The following TCERG1 variants were observed in gnomAD, a reference collection of about 807,000 sequenced individuals.
The protein encoded by TCERG1 is TATA box binding protein (TBP)-associated factor, RNA polymerase II, S, 150kD.
A neutral mutation model predicts 144.7 loss-of-function variants in TCERG1; 37 were observed. That is an observed-to-expected ratio of 0.26 (90% CI 0.20 to 0.34). TCERG1 has a LOEUF of 0.34. Among genes scored for constraint, TCERG1 ranks in the 10% least tolerant of loss-of-function variants. The pLI, the probability that TCERG1 is intolerant of heterozygous loss-of-function variation, is 1.00. For missense variants in TCERG1, 1,027 were observed against 1,380.7 expected, an observed-to-expected ratio of 0.74 and a Z score of 4.06; for synonymous variants, 492 against 458.2, an observed-to-expected ratio of 1.07 and a Z score of -0.94.
intron 6 of TCERG1, 85 bp from the exon 7 acceptor site, chr5:146,469,459 T>G: frequency 9.0e-7 from 1 of 1,116,840 alleles, no homozygotes; most frequent in East Asian, 2.7e-5. Context: ...TAATATTTAA[T>G]AGAAAGATTT....
At chr5:146,483,933 G>T (rs1341719051) in intron 15 of TCERG1, among the ~76,000 whole-genome samples, 1 of 151,906 alleles carries the variant, frequency 6.6e-6, no homozygotes. Flanking sequence ...TGCTTGTTTG[G>T]GCCAATGATG....
intron 10 of TCERG1, among the ~76,000 whole-genome samples, chr5:146,479,353 CATTATATATATGCTGA>C (rs951586438): frequency 6.6e-6 from 1 of 152,028 alleles, no homozygotes; most frequent in Non-Finnish European, 1.5e-5. Flanking sequence ...CATTTTCATG[CATTATATATATGCTGA>C]ATTATAAGTA....
At position 146,482,598 on chromosome 5, in the gene TCERG1, C is replaced by A. The variant is rs775978058; in HGVS notation, c.1944C>A (p.Asp648Glu). 6.2e-7 allele frequency: 1 copy of A among 1,608,222 alleles called. No homozygotes were observed. Among genetic ancestry groups the A allele is most frequent in the African/African-American group, 1.3e-5 (1 of 74,384 alleles). ...WIARASLFRR[D>E]DNKDIDSEKE... ...TATATTTTATTTTTTATAGGAGAGA[C>A]GATAATAAAGACATTGACTCAGAGA... The change falls in exon 14 of 23, where the codon GAC (aspartate) becomes GAA (glutamate). Residue 648 changes from aspartate to glutamate, a missense_variant. Asp to Glu is a conservative substitution (Grantham distance 45). Around this residue, in one of 6 missense-constraint regions of TCERG1, gnomAD observed 482 missense variants for 632.6 expected, o/e 0.76. Coordinates refer to ENST00000679501, the MANE Select transcript of TCERG1 (RefSeq NM_001382548.1).
At chr5:146,496,946 T>C (rs940215399) in intron 16 of TCERG1, among the ~76,000 whole-genome samples, 2 of 144,812 alleles carry the variant, frequency 1.4e-5, no homozygotes, top group Non-Finnish European at 3.0e-5. Flanking sequence ...TGATCTCAGC[T>C]CACTGGAACC....
At chr5:146,491,800 C>T (rs180683459) in intron 15 of TCERG1, among the ~76,000 whole-genome samples, 375 of 152,208 alleles carry the variant, frequency 2.5e-3, no homozygotes, top group African/African-American at 8.2e-3. Context: ...GCCATATGGT[C>T]TCTATTGTAA....
intron 9 of TCERG1, among the ~76,000 whole-genome samples, chr5:146,475,396 C>T (rs1764739180): frequency 6.6e-6 from 1 of 152,050 alleles, no homozygotes; most frequent in Non-Finnish European, 1.5e-5. Flanking sequence ...GGACGTTTGG[C>T]AATGCCTGGA....
At chr5:146,494,688 A>T (rs576956621) in intron 16 of TCERG1, among the ~76,000 whole-genome samples, 6 of 152,074 alleles carry the variant, frequency 3.9e-5, no homozygotes, top group African/African-American at 1.4e-4. Flanking sequence ...TTTTTTTTTT[A>T]AAGTGGGAAA....
intron 15 of TCERG1, among the ~76,000 whole-genome samples, chr5:146,483,851 G>C (rs571515099): frequency 6.6e-6 from 1 of 151,968 alleles, no homozygotes; most frequent in African/African-American, 2.4e-5. Flanking sequence ...TAAACATTTT[G>C]TCCTTATGCC....
intron 1 of TCERG1, among the ~76,000 whole-genome samples, chr5:146,452,039 C>T (rs1398067380): frequency 6.6e-6 from 1 of 151,914 alleles, no homozygotes; most frequent in African/African-American, 2.4e-5. Flanking sequence ...CTGCCCACCT[C>T]TGCCTCCCAA....
At chr5:146,500,109 T>C (rs557043684) in intron 17 of TCERG1, 33 of 152,194 alleles carry the variant, frequency 2.2e-4, no homozygotes, top group Middle Eastern at 3.4e-3. Flanking sequence ...TCAGCTTTAT[T>C]TTATTTTGGC....
At chr5:146,453,394 G>A (rs1277712357) in intron 1 of TCERG1, among the ~76,000 whole-genome samples, 1 of 152,190 alleles carries the variant, frequency 6.6e-6, no homozygotes, top group Non-Finnish European at 1.5e-5. Context: ...GCGTGCACAC[G>A]TGCATCCTCT....
chr5:146,463,977 T>C (rs1431612147), intron 5 of TCERG1, among the ~76,000 whole-genome samples, 184 bp downstream of exon 5: 2 of 152,246 alleles, frequency 1.3e-5, no homozygotes, highest in Non-Finnish European at 2.9e-5. Context: ...TTTTTGTTGT[T>C]GTTTACATGT....
intron 4 of TCERG1, among the ~76,000 whole-genome samples, chr5:146,462,528 G>C (rs904785595): frequency 6.6e-6 from 1 of 152,104 alleles, no homozygotes; most frequent in Non-Finnish European, 1.5e-5. Flanking sequence ...GGAATGGGAT[G>C]TTTTATTTTC....
At chr5:146,474,253 C>T (rs1289417122) in intron 9 of TCERG1, among the ~76,000 whole-genome samples, 2 of 152,120 alleles carry the variant, frequency 1.3e-5, no homozygotes, top group Admixed American at 6.5e-5. Flanking sequence ...CTGAAGACTT[C>T]AGTGAAGGAA....
chr5:146,478,606 T>C lies in TCERG1; in HGVS notation c.1715T>C (p.Ile572Thr). The change falls in exon 10 of 23, where the codon ATT (isoleucine) becomes ACT (threonine). Residue 572 changes from isoleucine (I) to threonine (T), a missense_variant. By Grantham distance (89) the Ile-to-Thr change is moderately conservative. Coordinates refer to ENST00000679501, the MANE Select transcript of TCERG1 (RefSeq NM_001382548.1). ...GGCAGGGCAGATGTTGACAAAATTA[T>C]TCAGGAGCCCCCTCATAAAAAAGGA... Reference protein sequence around the residue: ...LIGRADVDKIIQEPPHKKGME... With the variant: ...LIGRADVDKITQEPPHKKGME... The C allele has an allele frequency of 6.2e-7, 1 of 1,608,424 alleles. No homozygotes were observed. The highest frequency in any genetic ancestry group is 8.5e-7 in the Non-Finnish European group (1 of 1,178,236).
chr5:146,478,721 G>A, intron 10 of TCERG1, 68 bp downstream of exon 10: 2 of 1,429,872 alleles, frequency 1.4e-6, no homozygotes, highest in Non-Finnish European at 1.9e-6. Context: ...AGAAAATGTG[G>A]AAGGCATTTA....
intron 12 of TCERG1, chr5:146,480,658 A>G (rs996467566): frequency 6.6e-6 from 1 of 152,210 alleles, no homozygotes; most frequent in Non-Finnish European, 1.5e-5. Context: ...GTATGCATGT[A>G]TGGGGAATGG....
chr5:146,509,975 T>C, intron 22 of TCERG1: 2 of 1,154,078 alleles, frequency 1.7e-6, no homozygotes, highest in Non-Finnish European at 2.3e-6. Context: ...TATTTTGTCA[T>C]TTGGATTTTT....
intron 15 of TCERG1, 38 bp downstream of exon 15, chr5:146,483,667 C>A: frequency 6.7e-7 from 1 of 1,487,410 alleles, no homozygotes; most frequent in Non-Finnish European, 9.2e-7. Context: ...ATGTATATCT[C>A]TTGCCAACAT....
Sources: allele counts gnomAD v4.1 joint callset (sites outside exome capture counted in the v4.1 genomes callset), GRCh38; gene constraint gnomAD v4.1.1; regional missense constraint gnomAD v4.1.1; transcripts MANE v1.5; gene names NCBI Gene and HGNC (gene_info 2026-07-23, HGNC 2026-07-21).